OR1S1: variants seen among roughly 807,000 people sequenced by gnomAD.
The protein encoded by OR1S1 is olfactory receptor family 1 subfamily S member 1.
For missense variants in OR1S1, 411 were observed against 367.5 expected (o/e 1.12, Z -0.97); for synonymous variants, 156 against 143.9 (o/e 1.08, Z -0.60).
At chr11:58,213,959 T>C (rs1198700747) in intron 1 of OR1S1, among the ~76,000 whole-genome samples, 1 of 152,222 alleles carries the variant, frequency 6.6e-6, no homozygotes, top group Non-Finnish European at 1.5e-5. Flanking sequence ...TGACCTCCTA[T>C]AGCATCACGT....
exon 2 of OR1S1, chr11:58,215,972 G>T (rs1039771076): frequency 1.9e-5 from 9 of 471,898 alleles, no homozygotes; most frequent in Non-Finnish European, 3.4e-5. Flanking sequence ...AGGGCCCAGG[G>T]GTGGGAAGAT....
chr11:58,215,199 G>A (rs1474971212), exon 2 of OR1S1: 1 of 1,614,076 alleles, frequency 6.2e-7, no homozygotes, highest in East Asian at 2.2e-5. Flanking sequence ...ATGCGGCCCA[G>A]GTTCGGCATT....
At chr11:58,216,069 G>A (rs1401005649) in exon 2 of OR1S1, 1 of 225,642 alleles carries the variant, frequency 4.4e-6, no homozygotes, top group Non-Finnish European at 8.8e-6. Context: ...TAAATCATTA[G>A]GGGGACTATA....
At chr11:58,215,358 C>G (rs577046957) in exon 2 of OR1S1, 1 of 1,613,702 alleles carries the variant, frequency 6.2e-7, no homozygotes, top group Non-Finnish European at 8.5e-7. Context: ...TGTTCAGATA[C>G]ATTGATCAAT....
At chr11:58,213,997 C>G (rs567239549) in intron 1 of OR1S1, among the ~76,000 whole-genome samples, 1 of 152,290 alleles carries the variant, frequency 6.6e-6, no homozygotes, top group African/African-American at 2.4e-5. Context: ...CATATTTATG[C>G]CATGTCATGG....
exon 2 of OR1S1, chr11:58,215,177 T>C: frequency 6.2e-7 from 1 of 1,614,158 alleles, no homozygotes; most frequent in Non-Finnish European, 8.5e-7. Context: ...CCCTCTGAAT[T>C]ATACAATTCT....
exon 2 of OR1S1, chr11:58,215,772 C>T (rs773539200): frequency 1.9e-5 from 30 of 1,566,312 alleles, no homozygotes; most frequent in Admixed American, 1.1e-4. Context: ...ATAAATGATT[C>T]AGCCCAGAGC....
exon 2 of OR1S1, chr11:58,214,946 C>A: frequency 6.2e-7 from 1 of 1,614,118 alleles, no homozygotes; most frequent in Non-Finnish European, 8.5e-7. Flanking sequence ...GGATACGTAC[C>A]TTCATACCCC....
chr11:58,214,892 G>T, exon 2 of OR1S1: 1 of 1,614,058 alleles, frequency 6.2e-7, no homozygotes, highest in Non-Finnish European at 8.5e-7. Context: ...TATGTACCTG[G>T]TCACTGTGAT....
chr11:58,214,026 C>T (rs537485719), intron 1 of OR1S1, among the ~76,000 whole-genome samples: 42 of 152,322 alleles, frequency 2.8e-4, no homozygotes, highest in African/African-American at 9.9e-4. Context: ...GCAGATTGCC[C>T]TACTAACCAC....
At chr11:58,214,318 C>G (rs1219852577) in intron 1 of OR1S1, among the ~76,000 whole-genome samples, 1 of 152,176 alleles carries the variant, frequency 6.6e-6, no homozygotes, top group Non-Finnish European at 1.5e-5. Context: ...TCCTAACCCT[C>G]AGTTGTGTTT....
At chr11:58,215,892 C>G in exon 2 of OR1S1, 1 of 781,768 alleles carries the variant, frequency 1.3e-6, no homozygotes. Flanking sequence ...GTCTTGGAAA[C>G]AAAACCTGTA....
exon 2 of OR1S1, chr11:58,215,607 C>A (rs142828687): frequency 1.2e-6 from 2 of 1,614,096 alleles, no homozygotes; most frequent in African/African-American, 1.3e-5. Context: ...AAGATTGGTG[C>A]TGTCCTATTC....
chr11:58,214,270 T>G (rs1852882524), intron 1 of OR1S1, among the ~76,000 whole-genome samples: 1 of 152,216 alleles, frequency 6.6e-6, no homozygotes, highest in African/African-American at 2.4e-5. Flanking sequence ...GTTAGTGGGA[T>G]GAAGCACCAA....
intron 1 of OR1S1, among the ~76,000 whole-genome samples, chr11:58,213,151 G>T (rs1369481020): frequency 6.6e-6 from 1 of 152,146 alleles, no homozygotes; most frequent in South Asian, 2.1e-4. Flanking sequence ...CTCTTTTCTG[G>T]CCTCTGAATG....
At chr11:58,214,762 C>T in exon 2 of OR1S1, 1 of 1,613,682 alleles carries the variant, frequency 6.2e-7, no homozygotes, top group Non-Finnish European at 8.5e-7. Context: ...CTTTTAGTTC[C>T]TTTCTTCAGA....
chr11:58,215,906 G>A, exon 2 of OR1S1: 1 of 683,164 alleles, frequency 1.5e-6, no homozygotes. Context: ...ACCTGTAACT[G>A]CCATGGTAAG....
chr11:58,214,580 G>A (rs950699221), intron 1 of OR1S1, 149 bp from the exon 2 acceptor site: 18 of 621,184 alleles, frequency 2.9e-5, no homozygotes, highest in South Asian at 1.0e-4. Flanking sequence ...GAGAAGTTTC[G>A]GCCATGTCCT....
In OR1S1 at chr11:58,215,555, G is replaced by A. The variant is rs200142844; in HGVS notation, c.772G>A (p.Val258Met). ...ACTGTTCTACGGAACCATTGTAGGC[G>A]TGTACTTTTTCCCCTCCTCCACTCA... Residue 258 changes from valine (V) to methionine (M), a missense_variant, in exon 2 of 2, where the codon GTG becomes ATG. Coordinates refer to ENST00000641544, the Ensembl canonical transcript of OR1S1. 48 of 1,614,064 alleles carry A rather than the reference G, an allele frequency of 3.0e-5. No individual in the cohort carries two copies. The East Asian group carries it at 4.9e-4, about 16-fold the overall frequency.
Sources: allele counts gnomAD v4.1 joint callset (sites outside exome capture counted in the v4.1 genomes callset), GRCh38; gene constraint gnomAD v4.1.1; transcripts MANE v1.5; gene names NCBI Gene and HGNC (gene_info 2026-07-23, HGNC 2026-07-21).